Variants in CPED1 observed in about 807,000 individuals in gnomAD.
CPED1 encodes the protein cadherin like and PC-esterase domain containing 1.
In CPED1, 114 loss-of-function variants were observed where a neutral mutation model predicts 128.2. That is an observed-to-expected ratio of 0.89 (90% CI 0.76 to 1.04). CPED1 has a LOEUF of 1.04. Ranked by LOEUF, CPED1 falls within the 50% of genes least tolerant of loss-of-function variation. CPED1 has a pLI of 0.00. For missense variants in CPED1, 1,211 were observed against 1,207.1 expected, an observed-to-expected ratio of 1.00 and a Z score of -0.05; for synonymous variants, 462 against 426.7, an observed-to-expected ratio of 1.08 and a Z score of -1.02.
rs1156479086 is a variant in CPED1, at chr7:121,295,669, C to T, written c.*17C>T. ...ACTATGTAGGCTCCCTGCAGGAGAG[C>T]TGAATCTGGAGCTGGAGACGAGCTA... On this transcript the variant is annotated 3_prime_UTR_variant, in exon 23 of 23. Coordinates refer to ENST00000310396, the MANE Select transcript of CPED1 (RefSeq NM_024913.5). The T allele has an allele frequency of 6.2e-7, 1 of 1,606,324 alleles. No homozygotes were observed. Among genetic ancestry groups the T allele is most frequent in the African/African-American group, 1.3e-5 (1 of 74,738 alleles).
intron 22 of CPED1, among the ~76,000 whole-genome samples, chr7:121,291,997 T>C (rs1792713409): frequency 6.6e-6 from 1 of 152,068 alleles, no homozygotes; most frequent in Admixed American, 6.6e-5. Context: ...TTGGGGTTGC[T>C]CTTCTTGAAG....
At chr7:120,995,444 A>G (rs184217374) in intron 2 of CPED1, among the ~76,000 whole-genome samples, 1 of 152,208 alleles carries the variant, frequency 6.6e-6, no homozygotes, top group East Asian at 1.9e-4. Flanking sequence ...GACATTTCCA[A>G]CCTTAGGTCC....
chr7:121,266,075 G>A (rs78417395), intron 18 of CPED1, 152 bp from the exon 19 acceptor site: 1 of 629,668 alleles, frequency 1.6e-6, no homozygotes, highest in East Asian at 2.7e-5. Context: ...GTTTGGGAGA[G>A]AATATAATGA....
intron 5 of CPED1, among the ~76,000 whole-genome samples, chr7:121,089,710 G>A (rs1359147040): frequency 6.6e-6 from 1 of 152,066 alleles, no homozygotes; most frequent in African/African-American, 2.4e-5. Context: ...TTTCACAGTG[G>A]GTGGGTTTAG....
In CPED1 at chr7:120,989,825, C is replaced by T; in HGVS notation, c.204C>T (p.Asp68=). ...ASRCKKGFSQ[D]KQCFLLSGNA... ...GATGCAAGAAAGGATTCTCTCAGGA[C>T]AAACAGTGCTTCCTTCTCTCTGGTA... The change falls in exon 2 of 23, where the codon GAC becomes GAT. Residue 68 remains aspartate, a synonymous_variant. Coordinates refer to ENST00000310396, the MANE Select transcript of CPED1 (RefSeq NM_024913.5). The T allele has an allele frequency of 6.2e-7, 1 of 1,614,164 alleles. No homozygotes were observed.
At chr7:121,171,609 A>G (rs1309168382) in intron 16 of CPED1, among the ~76,000 whole-genome samples, 1 of 152,218 alleles carries the variant, frequency 6.6e-6, no homozygotes, top group Non-Finnish European at 1.5e-5. Flanking sequence ...GTTATTAAAC[A>G]TAATATATTA....
At chr7:121,238,620 GA>G (rs1798314871) in intron 17 of CPED1, among the ~76,000 whole-genome samples, 2 of 152,078 alleles carry the variant, frequency 1.3e-5, no homozygotes, top group Non-Finnish European at 2.9e-5. Context: ...TCCTTACGAA[GA>G]GGAGGAAGTG....
intron 4 of CPED1, among the ~76,000 whole-genome samples, chr7:121,061,382 A>C (rs1585046679): frequency 6.6e-6 from 1 of 152,248 alleles, no homozygotes; most frequent in Non-Finnish European, 1.5e-5. Context: ...ATACACACAT[A>C]CACATAGATG....
intron 4 of CPED1, among the ~76,000 whole-genome samples, chr7:121,060,775 G>A (rs1793641745): frequency 6.6e-6 from 1 of 152,244 alleles, no homozygotes; most frequent in Non-Finnish European, 1.5e-5. Context: ...CCAGCCAGCA[G>A]TGGCAACCCG....
chr7:121,092,736 T>C (rs546197446), intron 5 of CPED1, among the ~76,000 whole-genome samples: 6 of 152,180 alleles, frequency 3.9e-5, no homozygotes, highest in Middle Eastern at 3.2e-3. Context: ...ACGAGGCTTA[T>C]TGAGCCTCAC....
intron 16 of CPED1, among the ~76,000 whole-genome samples, chr7:121,167,899 T>C (rs1297788061): frequency 6.6e-6 from 1 of 151,530 alleles, no homozygotes; most frequent in Non-Finnish European, 1.5e-5. Context: ...GCCCGGCTAA[T>C]TTTTTTTGTA....
At chr7:121,191,228 G>A (rs988385881) in intron 16 of CPED1, among the ~76,000 whole-genome samples, 10 of 152,116 alleles carry the variant, frequency 6.6e-5, no homozygotes, top group African/African-American at 2.4e-4. Context: ...AAAACACCGA[G>A]CATAGAAAAG....
chr7:121,054,483 T>A (rs574685943), intron 4 of CPED1, among the ~76,000 whole-genome samples: 49 of 152,252 alleles, frequency 3.2e-4, no homozygotes, highest in African/African-American at 1.1e-3. Context: ...TTGTGTGTGG[T>A]CTTCTTGTCT....
intron 22 of CPED1, among the ~76,000 whole-genome samples, chr7:121,272,883 T>C (rs1428310390): frequency 6.6e-6 from 1 of 152,076 alleles, no homozygotes; most frequent in East Asian, 1.9e-4. Context: ...ATTGGAAAGC[T>C]CACACAGAAA....
chr7:121,129,898 A>AG (rs1795620300), intron 11 of CPED1, among the ~76,000 whole-genome samples: 1 of 151,654 alleles, frequency 6.6e-6, no homozygotes, highest in South Asian at 2.1e-4. Flanking sequence ...TGAAAAGAAA[A>AG]AAAAAAACTC....
chr7:121,059,582 T>C (rs1418973985), intron 4 of CPED1, among the ~76,000 whole-genome samples: 1 of 152,142 alleles, frequency 6.6e-6, no homozygotes, highest in Non-Finnish European at 1.5e-5. Context: ...TCTTACATTT[T>C]GTAACTAGTT....
chr7:121,007,246 T>TG (rs1792045917), intron 2 of CPED1, among the ~76,000 whole-genome samples: 1 of 150,654 alleles, frequency 6.6e-6, no homozygotes, highest in South Asian at 2.1e-4. Context: ...TTTTTTTTTT[T>TG]TTTGTCTTGC....
At position 121,112,425 on chromosome 7, in the gene CPED1, C is replaced by T. The variant is rs1563029955; in HGVS notation, c.919-11906C>T. On this transcript the variant is annotated intron_variant, in intron 7 of 22. Transcript: ENST00000310396. Reference sequence around the variant, plus strand: ...GAAGATACATCTTCACATCTTCACTCATGTGAAGATGAAGACAGACAGTAG... The same window carrying T: ...GAAGATACATCTTCACATCTTCACTTATGTGAAGATGAAGACAGACAGTAG... Among the ~76,000 whole-genome samples the T allele has an allele frequency of 2.0e-5, 3 of 152,194 alleles. No homozygotes were observed. In the South Asian group the frequency reaches 6.2e-4, roughly 32 times the overall value.
chr7:121,026,949 A>G (rs1408045579), intron 3 of CPED1, among the ~76,000 whole-genome samples: 2 of 147,914 alleles, frequency 1.4e-5, no homozygotes, highest in Non-Finnish European at 3.0e-5. Flanking sequence ...TCCCACCTCA[A>G]TCCCTGAGTA....
Sources: gnomAD v4.1 joint callset for allele counts (sites outside exome capture counted in the v4.1 genomes callset) on GRCh38, gnomAD v4.1.1 for gene constraint, MANE v1.5 for transcripts, NCBI Gene and HGNC (gene_info 2026-07-23, HGNC 2026-07-21) for gene names.